The following MIA2 variants were observed in gnomAD, a reference collection of about 807,000 sequenced individuals.
MIA2 encodes the protein melanoma inhibitory activity protein 2.
MIA2 carries 127 observed loss-of-function variants against 167.8 expected under a neutral mutation model. The observed-to-expected ratio is 0.76, with a 90% CI of 0.66 to 0.88. The LOEUF (loss-of-function observed/expected upper bound fraction) is 0.88. Ranked by LOEUF, MIA2 falls within the 40% of genes least tolerant of loss-of-function variation. MIA2 has a pLI of 0.00. For synonymous variants in MIA2, 552 were observed against 541.9 expected, an observed-to-expected ratio of 1.02 and a Z score of -0.26; for missense variants, 1,690 against 1,624.7, an observed-to-expected ratio of 1.04 and a Z score of -0.69.
chr14:39,269,092 T>TTTTTC, intron 6 of MIA2: 1 of 954,686 alleles, frequency 1.0e-6, no homozygotes, highest in Non-Finnish European at 1.2e-6. Context: ...TTTTTTTTTT[T>TTTTTC]TTTTTTTGCT....
intron 23 of MIA2, among the ~76,000 whole-genome samples, chr14:39,373,848 A>T (rs948311553): frequency 3.3e-5 from 5 of 152,018 alleles, no homozygotes; most frequent in African/African-American, 1.2e-4. Context: ...ATAAAAAATG[A>T]GAAAACAGTC....
intron 6 of MIA2, among the ~76,000 whole-genome samples, chr14:39,255,846 A>T (rs4902460): frequency 0.58 from 88,385 of 152,062 alleles, 27,587 homozygotes; most frequent in African/African-American, 0.82. Flanking sequence ...ACAATTTTGG[A>T]TGAAATTATT....
chr14:39,340,443 A>AG lies in MIA2; in HGVS notation c.3656-5460dup, dbSNP rs557605131. The stretch of plus-strand genomic sequence containing the variant: ...TTTGACTCTTTCCTTGGGAAACAAA[A>AG]GTGTGCTAAGCAGATCAAAATACCT... On this transcript the variant is annotated intron_variant, in intron 25 of 28. Coordinates refer to ENST00000640607, the MANE Select transcript of MIA2 (RefSeq NM_001329214.4). 7.3e-4 allele frequency among the ~76,000 whole-genome samples: 111 copies of AG among 152,338 alleles called. 2 individuals are homozygous for AG. In the East Asian group the frequency reaches 0.016, roughly 22 times the overall value.
At chr14:39,294,848 G>A in intron 12 of MIA2, 77 bp from the exon 13 acceptor site, 1 of 953,362 alleles carries the variant, frequency 1.0e-6, no homozygotes, top group South Asian at 1.4e-5. Flanking sequence ...TTAATTCTGT[G>A]TTCTAGGGAG....
chr14:39,381,022 C>CAA (rs59734735), intron 23 of MIA2, among the ~76,000 whole-genome samples: 2,580 of 109,652 alleles, frequency 0.024, 27 homozygotes, highest in African/African-American at 0.027. Context: ...GTAAAAAAAA[C>CAA]AAAAAAAAAA....
At chr14:39,259,698 GTT>G (rs10556014) in intron 6 of MIA2, among the ~76,000 whole-genome samples, 49,746 of 115,294 alleles carry the variant, frequency 0.43, 11,918 homozygotes, top group African/African-American at 0.67. Context: ...GCCTGGCTAG[GTT>G]TTTTTTTTTT....
chr14:39,334,316 A>T (rs1947485038), intron 25 of MIA2, among the ~76,000 whole-genome samples: 1 of 151,996 alleles, frequency 6.6e-6, no homozygotes, highest in Non-Finnish European at 1.5e-5. Flanking sequence ...TCCTACAAAA[A>T]ATACAAAAAT....
chr14:39,385,859 G>T (rs775830473), intron 23 of MIA2: 1 of 965,554 alleles, frequency 1.0e-6, no homozygotes, highest in South Asian at 1.3e-5. Flanking sequence ...CCTCTCCCCC[G>T]CATGCCCCGT....
At chr14:39,315,260 G>A (rs541571239) in intron 20 of MIA2, 217 of 158,786 alleles carry the variant, frequency 1.4e-3, no homozygotes, top group Admixed American at 3.0e-3. Context: ...CTGAGATCAC[G>A]TCACTTGCAC....
At chr14:39,357,624 G>A (rs960541256) in intron 23 of MIA2, among the ~76,000 whole-genome samples, 1 of 152,162 alleles carries the variant, frequency 6.6e-6, no homozygotes, top group African/African-American at 2.4e-5. Flanking sequence ...TTGCTCGTTA[G>A]TTGATGCACT....
chr14:39,322,152 G>A (rs1369300261), intron 24 of MIA2, among the ~76,000 whole-genome samples: 1 of 152,114 alleles, frequency 6.6e-6, no homozygotes, highest in Non-Finnish European at 1.5e-5. Context: ...TAGAAAATTA[G>A]AAAGTGAAAT....
intron 23 of MIA2, among the ~76,000 whole-genome samples, chr14:39,320,180 A>C (rs927071331): frequency 7.2e-6 from 1 of 139,554 alleles, no homozygotes; most frequent in East Asian, 1.9e-4. Flanking sequence ...AGCTGGTTTG[A>C]ATATTATACC....
chr14:39,277,515 G>A (rs2058175604), intron 7 of MIA2, among the ~76,000 whole-genome samples: 1 of 150,748 alleles, frequency 6.6e-6, no homozygotes, highest in Admixed American at 6.6e-5. Flanking sequence ...GACAGAGAGA[G>A]ACCCTGTCTC....
rs561227819 is a variant in MIA2, at chr14:39,266,160, T to C, written c.1888-10774T>C. On this transcript the variant is annotated intron_variant, in intron 6 of 28. Coordinates refer to ENST00000640607, the MANE Select transcript of MIA2 (RefSeq NM_001329214.4). ...ATCTATTGAGTTCTTTTGGGTGATT[T>C]GTTTAGGAGGAAGTATCTGCTCCTT... 1.1e-5 allele frequency: 11 copies of C among 985,426 alleles called. No homozygotes were observed. In the East Asian group the frequency reaches 9.1e-4, roughly 81 times the overall value. The allele number at this position is 985,426 out of a possible 1,614,324, so 61.0% of individuals were successfully genotyped here.
intron 3 of MIA2, among the ~76,000 whole-genome samples, chr14:39,245,080 C>CATTTTTTT (rs1566590809): frequency 1.9e-4 from 2 of 10,524 alleles, no homozygotes; most frequent in South Asian, 1.5e-3. Flanking sequence ...ACCTAGCTAA[C>CATTTTTTT]CTTTTTTTTT....
rs1567037915 is a variant in MIA2 at position 39,350,592 on chromosome 14, G to A, written c.*328G>A. On this transcript the variant is annotated 3_prime_UTR_variant, in exon 29 of 29. Transcript: ENST00000640607. ...TTATGCCAAGAACTGTATTTACTGT[G>A]GTTGTGGACAAATGTGAAAGTAACT... 1 of 216,500 alleles carries A rather than the reference G, an allele frequency of 4.6e-6. No homozygotes were observed. The highest frequency in any genetic ancestry group is 9.0e-6 in the Non-Finnish European group (1 of 111,246). 13.4% of individuals were successfully genotyped at this position (216,500 alleles called of 1,614,324 possible).
Position 39,299,898 on chromosome 14 carries a change from T to G in MIA2, c.2531T>G (p.Val844Gly). The G allele has an allele frequency of 3.7e-6, 6 of 1,608,794 alleles. No homozygotes were observed. Among genetic ancestry groups the G allele is most frequent in the Non-Finnish European group, 8.5e-7 (1 of 1,178,658 alleles). ...GAAGCTGAAGTATGGAAAGAACAAG[T>G]GAGTGAACTTAATAAACAGAAAGTA... Reference protein sequence around the residue: ...LQEAEVWKEQVSELNKQKVTF... With the variant: ...LQEAEVWKEQGSELNKQKVTF... The change falls in exon 14 of 29, where the codon GTG (valine) becomes GGG (glycine). Residue 844 changes from valine (V) to glycine (G), a missense_variant. Physicochemically the swap from Val to Gly is moderately radical, Grantham distance 109. Transcript: ENST00000640607.
At chr14:39,353,586 T>G (rs578068362), downstream of MIA2, among the ~76,000 whole-genome samples, 1 of 152,192 alleles carries the variant, frequency 6.6e-6, no homozygotes, top group African/African-American at 2.4e-5. Context: ...GTTTTTTTAT[T>G]ATACTTCAAG....
chr14:39,338,497 G>A (rs868546483), intron 25 of MIA2, among the ~76,000 whole-genome samples: 3 of 151,936 alleles, frequency 2.0e-5, no homozygotes, highest in African/African-American at 7.3e-5. Flanking sequence ...TTTCAGTTTG[G>A]TTTTTCATAA....
Sources: gnomAD v4.1 joint callset for allele counts (sites outside exome capture counted in the v4.1 genomes callset) on GRCh38, gnomAD v4.1.1 for gene constraint, MANE v1.5 for transcripts, NCBI Gene and HGNC (gene_info 2026-07-23, HGNC 2026-07-21) for gene names.